The following FNIP2 variants were observed in gnomAD, a reference collection of about 807,000 sequenced individuals.
The protein encoded by FNIP2 is folliculin interacting protein 2.
FNIP2 carries 32 observed loss-of-function variants against 108.7 expected under a neutral mutation model. The observed-to-expected ratio is 0.29, with a 90% confidence interval of 0.22 to 0.40. FNIP2 has a LOEUF of 0.40. Ranked by LOEUF, FNIP2 falls within the 10% of genes least tolerant of loss-of-function variation. The pLI is 1.00. For missense variants in FNIP2, 1,202 were observed against 1,381.6 expected (o/e 0.87, Z 2.06); for synonymous variants, 480 against 496.7 (o/e 0.97, Z 0.45).
At chr4:158,833,940 C>A in intron 6 of FNIP2, 1 of 1,190,352 alleles carries the variant, frequency 8.4e-7, no homozygotes, top group Non-Finnish European at 1.1e-6. Flanking sequence ...TTAATAAATC[C>A]TGTGCAGGTT....
At chr4:158,772,925 G>T (rs1203796634) in intron 1 of FNIP2, among the ~76,000 whole-genome samples, 7 of 152,136 alleles carry the variant, frequency 4.6e-5, no homozygotes, top group African/African-American at 1.7e-4. Flanking sequence ...TATAAGCACA[G>T]AATTAAGAAC....
chr4:158,804,558 G>T (rs137935101), intron 1 of FNIP2, among the ~76,000 whole-genome samples: 1 of 151,922 alleles, frequency 6.6e-6, no homozygotes, highest in Non-Finnish European at 1.5e-5. Context: ...GACTACAGGC[G>T]CATGCCACTA....
chr4:158,831,023 G>A (rs1778453908), intron 3 of FNIP2, among the ~76,000 whole-genome samples: 1 of 152,210 alleles, frequency 6.6e-6, no homozygotes, highest in African/African-American at 2.4e-5. Flanking sequence ...AGTTGAAAAG[G>A]CGGGCAGTTA....
At position 158,769,499 on chromosome 4, in the gene FNIP2, C is replaced by T. The variant is rs866042146; in HGVS notation, c.107+180C>T. 1.2e-4 allele frequency among the ~76,000 whole-genome samples: 18 copies of T among 152,322 alleles called. 1 individual carries two copies. Among genetic ancestry groups the T allele is most frequent in the Middle Eastern group, 3.4e-3 (1 of 294 alleles). On this transcript the variant is annotated intron_variant, in intron 1 of 16. Transcript: ENST00000264433. Reference sequence around the variant, plus strand: ...TGATCCGAGTGTGGCTCCGGACCCTCCGTGACCCTTCCTCCCGCTCTTTCT... The same window carrying T: ...TGATCCGAGTGTGGCTCCGGACCCTTCGTGACCCTTCCTCCCGCTCTTTCT...
At position 158,808,104 on chromosome 4, in the gene FNIP2, A is replaced by G. The variant is rs149910417; in HGVS notation, c.108-17812A>G. On this transcript the variant is annotated intron_variant, in intron 1 of 16. Coordinates refer to ENST00000264433, the MANE Select transcript of FNIP2 (RefSeq NM_020840.3). ...TCTTAATCTCACTCTCAACTGTTAA[A>G]CTATGTAATTGGCTCGGATTATTTT... Among the ~76,000 whole-genome samples, 382 of 152,226 alleles carry G rather than the reference A, an allele frequency of 2.5e-3. 3 individuals are homozygous for G. Among genetic ancestry groups the G allele is most frequent in the African/African-American group, 8.7e-3 (362 of 41,522 alleles).
intron 14 of FNIP2, among the ~76,000 whole-genome samples, chr4:158,875,344 C>A (rs1465923517): frequency 6.6e-6 from 1 of 151,622 alleles, no homozygotes; most frequent in East Asian, 1.9e-4. Flanking sequence ...TTTTAAAAAA[C>A]AACTATGCTC....
intron 1 of FNIP2, among the ~76,000 whole-genome samples, chr4:158,773,976 A>G (rs1436708321): frequency 1.3e-5 from 2 of 152,238 alleles, no homozygotes; most frequent in African/African-American, 4.8e-5. Context: ...AATGGATGAC[A>G]TTCTATAGCA....
chr4:158,777,947 C>G (rs1388325963), intron 1 of FNIP2, among the ~76,000 whole-genome samples: 1 of 152,152 alleles, frequency 6.6e-6, no homozygotes, highest in Non-Finnish European at 1.5e-5. Flanking sequence ...CTTTCGTATC[C>G]TTTTGGAAAT....
At chr4:158,852,994 G>C (rs560586519) in intron 8 of FNIP2, among the ~76,000 whole-genome samples, 1 of 152,146 alleles carries the variant, frequency 6.6e-6, no homozygotes, top group African/African-American at 2.4e-5. Context: ...AACAAGAAAA[G>C]AGTTATTAAA....
At chr4:158,895,715 T>G (rs771180731) in intron 15 of FNIP2, 35 bp from the exon 16 acceptor site, 4 of 1,334,874 alleles carry the variant, frequency 3.0e-6, no homozygotes, top group Non-Finnish European at 4.3e-6. Flanking sequence ...AGATTTGACT[T>G]CTAGCCCTCA....
intron 14 of FNIP2, chr4:158,872,894 G>T: frequency 4.0e-6 from 2 of 499,418 alleles, no homozygotes; most frequent in Non-Finnish European, 5.2e-6. Flanking sequence ...GCCAGAAAAA[G>T]AAGCAGAGAT....
intron 1 of FNIP2, among the ~76,000 whole-genome samples, chr4:158,804,777 A>G (rs1776884589): frequency 6.6e-6 from 1 of 152,194 alleles, no homozygotes; most frequent in African/African-American, 2.4e-5. Context: ...AAGGCAGTTT[A>G]TGGGAAGAAA....
chr4:158,834,015 GT>G, intron 6 of FNIP2: 2 of 522,032 alleles, frequency 3.8e-6, no homozygotes, highest in Non-Finnish European at 2.9e-6. Context: ...ACAGATATTG[GT>G]TTCAAATGCG....
rs1020949257 is a variant in FNIP2 at position 158,806,451 on chromosome 4, T to C, written c.108-19465T>C. ...TTGAAACTTTAGTTGTTTCAAAGTC[T>C]CAGATAATTTTTTATTTAATTTACT... On this transcript the variant is annotated intron_variant, in intron 1 of 16. Transcript: ENST00000264433. 31 of 1,268,090 alleles carry C rather than the reference T, an allele frequency of 2.4e-5. No homozygotes were observed. The African/African-American group carries it at 4.6e-4, about 19-fold the overall frequency. 78.6% of individuals were successfully genotyped at this position (1,268,090 alleles called of 1,614,324 possible). A position where few individuals can be genotyped will look rare whatever the true frequency, so the allele number is the denominator to read the frequency against.
intron 1 of FNIP2, among the ~76,000 whole-genome samples, chr4:158,785,619 G>A (rs187156900): frequency 5.3e-5 from 8 of 151,844 alleles, no homozygotes; most frequent in Admixed American, 1.3e-4. Flanking sequence ...GTGAGGTCCC[G>A]CGCCCAGCCC....
chr4:158,853,961 T>A (rs1195784224), intron 8 of FNIP2, among the ~76,000 whole-genome samples: 1 of 152,198 alleles, frequency 6.6e-6, no homozygotes, highest in Non-Finnish European at 1.5e-5. Context: ...CAAGGAAAAA[T>A]TAATTTTAAA....
chr4:158,832,286 C>G, intron 5 of FNIP2, 148 bp downstream of exon 5: 2 of 600,496 alleles, frequency 3.3e-6, no homozygotes, highest in Non-Finnish European at 5.7e-6. Flanking sequence ...GGCTACTGTC[C>G]TATAAACAGT....
At chr4:158,835,781 A>G (rs1578888761) in intron 7 of FNIP2, 1 of 203,140 alleles carries the variant, frequency 4.9e-6, no homozygotes, top group East Asian at 1.2e-4. Flanking sequence ...TTGACTGTTG[A>G]GTATAGACTC....
intron 1 of FNIP2, among the ~76,000 whole-genome samples, chr4:158,780,359 T>C (rs1222476317): frequency 6.6e-6 from 1 of 152,226 alleles, no homozygotes; most frequent in African/African-American, 2.4e-5. Flanking sequence ...TTAGAAATCT[T>C]TTAGAATGCT....
Sources: allele counts gnomAD v4.1 joint callset (sites outside exome capture counted in the v4.1 genomes callset), GRCh38; gene constraint gnomAD v4.1.1; transcripts MANE v1.5; gene names NCBI Gene and HGNC (gene_info 2026-07-23, HGNC 2026-07-21).